Variants in RASGEF1C observed in about 807,000 individuals in gnomAD.
RASGEF1C encodes the protein ras-GEF domain-containing family member 1C.
RASGEF1C carries 27 observed loss-of-function variants against 58.1 expected under a neutral mutation model. The ratio of observed to expected loss-of-function variants is 0.46; its 90% CI spans 0.34 to 0.64. The LOEUF (loss-of-function observed/expected upper bound fraction) is 0.64. Among genes scored for constraint, RASGEF1C ranks in the 30% least tolerant of loss-of-function variants. The pLI, the probability that RASGEF1C is intolerant of heterozygous loss-of-function variation, is 0.01. For missense variants in RASGEF1C, 502 were observed against 605.1 expected, an observed-to-expected ratio of 0.83 and a Z score of 1.79; for synonymous variants, 243 against 246.3, an observed-to-expected ratio of 0.99 and a Z score of 0.13.
rs777968916 is a variant in RASGEF1C at position 180,119,391 on chromosome 5, C to A, written c.862G>T (p.Glu288Ter). ...TTGAAGTTGCCGATGTTGAAGCACT[C>A]GCGGGCCACGTCGATGAAGAACTCA... is the stretch of plus-strand genomic sequence containing the variant. ...VIEFFIDVAR[E>*]CFNIGNFNSL... Residue 288 changes from glutamate to a stop codon, truncating the protein, a stop_gained, in exon 8 of 14, where the codon GAG (glutamate) becomes TAG (stop). Transcript: ENST00000361132. LOFTEE classifies it high-confidence loss of function. 9.3e-6 allele frequency: 15 copies of A among 1,614,046 alleles called. No homozygotes were observed. Among genetic ancestry groups the A allele is most frequent in the Non-Finnish European group, 2.5e-6 (3 of 1,180,016 alleles).
At chr5:180,111,696 G>C in intron 11 of RASGEF1C, 116 bp from the exon 12 acceptor site, 1 of 1,151,512 alleles carries the variant, frequency 8.7e-7, no homozygotes, top group Non-Finnish European at 1.3e-6. Flanking sequence ...TTAGGGCTCT[G>C]AGGAGGAGCA....
At chr5:180,148,044 G>A (rs1047629087) in intron 1 of RASGEF1C, among the ~76,000 whole-genome samples, 5 of 152,132 alleles carry the variant, frequency 3.3e-5, no homozygotes, top group African/African-American at 1.2e-4. Context: ...GGTCATAAAT[G>A]TTTATAATTG....
chr5:180,135,826 C>T (rs1766461767), intron 4 of RASGEF1C, among the ~76,000 whole-genome samples: 1 of 152,228 alleles, frequency 6.6e-6, no homozygotes, highest in Admixed American at 6.5e-5. Flanking sequence ...CTCCTCTGCC[C>T]CTACCCTGAA....
intron 12 of RASGEF1C, among the ~76,000 whole-genome samples, chr5:180,105,328 G>A (rs770935239): frequency 6.9e-6 from 1 of 145,140 alleles, no homozygotes; most frequent in Non-Finnish European, 1.5e-5. Context: ...TTTGGGAGGC[G>A]GAGGTGGGCA....
chr5:180,104,079 TTTG>T (rs1765839586), intron 12 of RASGEF1C, among the ~76,000 whole-genome samples: 1 of 152,238 alleles, frequency 6.6e-6, no homozygotes, highest in Admixed American at 6.5e-5. Flanking sequence ...ATTTGCTTAT[TTTG>T]TTAAGGATTC....
chr5:180,205,715 ATATTATTAT>A (rs10577396), intron 1 of RASGEF1C, among the ~76,000 whole-genome samples: 8 of 147,120 alleles, frequency 5.4e-5, no homozygotes, highest in African/African-American at 1.0e-4. Context: ...CATTATTATA[ATATTATTAT>A]TATTATTATT....
intron 1 of RASGEF1C, among the ~76,000 whole-genome samples, chr5:180,188,047 C>T (rs1440283545): frequency 1.3e-5 from 2 of 152,176 alleles, no homozygotes; most frequent in Non-Finnish European, 2.9e-5. Flanking sequence ...CATAGCAGGA[C>T]TATCTTCAGT....
At chr5:180,166,932 G>C (rs1380878185) in intron 1 of RASGEF1C, among the ~76,000 whole-genome samples, 1 of 152,146 alleles carries the variant, frequency 6.6e-6, no homozygotes, top group Non-Finnish European at 1.5e-5. Context: ...ACAGTCATTT[G>C]AACCATTCTT....
intron 1 of RASGEF1C, among the ~76,000 whole-genome samples, chr5:180,148,521 A>G (rs1486350897): frequency 2.0e-5 from 3 of 152,118 alleles, no homozygotes; most frequent in Non-Finnish European, 2.9e-5. Context: ...CTTTGTGGCA[A>G]CCATGGGAAT....
Position 180,158,505 on chromosome 5 carries a change from C to T in RASGEF1C, c.-6-20447G>A, listed in dbSNP as rs1766883793. Reference sequence around the variant, plus strand: ...AGGCATAGAATTCTAGATCTGTGCTCGTTTGTCTTCACAATTTTGAAGGCA... The same window carrying T: ...AGGCATAGAATTCTAGATCTGTGCTTGTTTGTCTTCACAATTTTGAAGGCA... On this transcript the variant is annotated intron_variant, in intron 1 of 13. Transcript: ENST00000361132. This position sits in a 1 kb window ranked among gnomAD's most constrained non-coding sequence, Gnocchi z 4.0. 1.3e-5 allele frequency among the ~76,000 whole-genome samples: 2 copies of T among 152,288 alleles called. No homozygotes were observed. The highest frequency in any genetic ancestry group is 3.9e-4 in the East Asian group (2 of 5,192).
rs545831972 is a variant in RASGEF1C, at chr5:180,143,831, G to A, written c.-6-5773C>T. 6.6e-6 allele frequency among the ~76,000 whole-genome samples: 1 copy of A among 152,280 alleles called. No individual in the cohort carries two copies. Among genetic ancestry groups the A allele is most frequent in the African/African-American group, 2.4e-5 (1 of 41,552 alleles). On this transcript the variant is annotated intron_variant, in intron 1 of 13. Coordinates refer to ENST00000361132, the MANE Select transcript of RASGEF1C (RefSeq NM_175062.4). The surrounding 1 kb of genome is among the most constrained non-coding windows in gnomAD (Gnocchi z 4.3). Reference sequence around the variant, plus strand: ...CATGGGTGGCTGGCATTAAACATCTGCAAAATGGAAATCCATCGAACTTGC... The same window carrying A: ...CATGGGTGGCTGGCATTAAACATCTACAAAATGGAAATCCATCGAACTTGC...
At chr5:180,136,585 C>G in intron 3 of RASGEF1C, 70 bp from the exon 4 acceptor site, 1 of 1,490,286 alleles carries the variant, frequency 6.7e-7, no homozygotes, top group Non-Finnish European at 9.0e-7. Context: ...ACTGCGCGTC[C>G]TTGCGGGTCT....
intron 1 of RASGEF1C, among the ~76,000 whole-genome samples, chr5:180,182,683 A>G (rs1422372450): frequency 6.6e-6 from 1 of 152,218 alleles, no homozygotes; most frequent in Non-Finnish European, 1.5e-5. Flanking sequence ...TGGTGCTTTT[A>G]CAATCCTTTA....
intron 12 of RASGEF1C, among the ~76,000 whole-genome samples, chr5:180,108,227 A>G (rs1426816368): frequency 1.4e-5 from 2 of 145,442 alleles, no homozygotes; most frequent in East Asian, 4.0e-4. Flanking sequence ...TTTGAGACAG[A>G]GTCTCACTCC....
At chr5:180,125,368 C>G (rs1034898961) in intron 6 of RASGEF1C, among the ~76,000 whole-genome samples, 1 of 152,196 alleles carries the variant, frequency 6.6e-6, no homozygotes, top group Non-Finnish European at 1.5e-5. Flanking sequence ...AATCCTGTAG[C>G]AAACATCATA....
intron 1 of RASGEF1C, among the ~76,000 whole-genome samples, chr5:180,208,720 T>C (rs1271058333): frequency 6.6e-6 from 1 of 152,104 alleles, no homozygotes; most frequent in Non-Finnish European, 1.5e-5. Flanking sequence ...TGGCTCTTCC[T>C]GCCACTCTAG....
chr5:180,182,402 C>T (rs1581124406), intron 1 of RASGEF1C, among the ~76,000 whole-genome samples: 1 of 151,972 alleles, frequency 6.6e-6, no homozygotes, highest in Non-Finnish European at 1.5e-5. Flanking sequence ...AAACAGTGAG[C>T]AGCCGCAAGA....
At chr5:180,140,754 G>A (rs112160742) in intron 1 of RASGEF1C, among the ~76,000 whole-genome samples, 25 of 152,358 alleles carry the variant, frequency 1.6e-4, no homozygotes, top group African/African-American at 6.0e-4. Flanking sequence ...CAGCCTGCCT[G>A]GAATGGGCTG....
At chr5:180,176,614 T>C (rs1292946881) in intron 1 of RASGEF1C, among the ~76,000 whole-genome samples, 1 of 150,592 alleles carries the variant, frequency 6.6e-6, no homozygotes, top group Non-Finnish European at 1.5e-5. Context: ...TGGAGTGCAG[T>C]GGCGCAATCT....
Sources: allele counts gnomAD v4.1 joint callset (sites outside exome capture counted in the v4.1 genomes callset), GRCh38; gene constraint gnomAD v4.1.1; non-coding constraint Gnocchi (gnomAD v3.1); transcripts MANE v1.5; gene names NCBI Gene and HGNC (gene_info 2026-07-23, HGNC 2026-07-21).